The following GRHL2 variants were observed in gnomAD, a reference collection of about 807,000 sequenced individuals.
GRHL2 encodes grainyhead like transcription factor 2.
GRHL2 carries 21 observed loss-of-function variants against 83.8 expected under a neutral mutation model. The ratio of observed to expected loss-of-function variants is 0.25; its 90% CI spans 0.18 to 0.36. GRHL2 has a LOEUF of 0.36. GRHL2 is among the 10% of genes least tolerant of loss of function. The pLI is 1.00. For missense variants in GRHL2, 623 were observed against 781.8 expected, an observed-to-expected ratio of 0.80 and a Z score of 2.42; for synonymous variants, 280 against 278.9, an observed-to-expected ratio of 1.00 and a Z score of -0.04.
intron 1 of GRHL2, among the ~76,000 whole-genome samples, chr8:101,502,791 C>T (rs1287621125): frequency 6.6e-6 from 1 of 151,296 alleles, no homozygotes; most frequent in Non-Finnish European, 1.5e-5. Flanking sequence ...CTTCCTTTTC[C>T]TCATCCTCTT....
chr8:101,559,824 C>T (rs1054895460), intron 4 of GRHL2, among the ~76,000 whole-genome samples: 18 of 152,152 alleles, frequency 1.2e-4, no homozygotes, highest in African/African-American at 4.3e-4. Context: ...TTCCTTGAAG[C>T]TCTTTGCATT....
At chr8:101,564,631 C>T (rs561317946) in intron 4 of GRHL2, among the ~76,000 whole-genome samples, 1 of 151,588 alleles carries the variant, frequency 6.6e-6, no homozygotes, top group Non-Finnish European at 1.5e-5. Flanking sequence ...CATAGTGAGA[C>T]CCTGTCTCTA....
intron 1 of GRHL2, among the ~76,000 whole-genome samples, chr8:101,493,659 C>G (rs938602036): frequency 6.6e-6 from 1 of 152,100 alleles, no homozygotes; most frequent in African/African-American, 2.4e-5. Flanking sequence ...GCCGCCACCT[C>G]GGACGCGGCA....
chr8:101,496,511 T>C (rs1411148011), intron 1 of GRHL2, among the ~76,000 whole-genome samples: 1 of 152,166 alleles, frequency 6.6e-6, no homozygotes, highest in Non-Finnish European at 1.5e-5. Context: ...ATACTTGGCA[T>C]TGAGATTCAC....
At chr8:101,656,809 A>G (rs1055091791) in intron 14 of GRHL2, among the ~76,000 whole-genome samples, 4 of 152,054 alleles carry the variant, frequency 2.6e-5, no homozygotes, top group Admixed American at 6.5e-5. Context: ...ATAAATTAAT[A>G]TATACTGGGT....
chr8:101,562,491 T>G (rs1355448286), intron 4 of GRHL2: 7 of 306,518 alleles, frequency 2.3e-5, no homozygotes, highest in Admixed American at 1.5e-4. Flanking sequence ...ATATGCATAT[T>G]GAACCCGTGT....
At chr8:101,625,398 AT>A (rs1282198768) in intron 9 of GRHL2, among the ~76,000 whole-genome samples, 2 of 152,118 alleles carry the variant, frequency 1.3e-5, no homozygotes, top group Non-Finnish European at 2.9e-5. Context: ...AGGATGTTAT[AT>A]TGTTGTTCAC....
chr8:101,594,764 C>G (rs1458751708), intron 7 of GRHL2, among the ~76,000 whole-genome samples: 2 of 152,168 alleles, frequency 1.3e-5, no homozygotes, highest in Non-Finnish European at 2.9e-5. Context: ...AAGGATCCAT[C>G]CATTCATTCA....
intron 1 of GRHL2, among the ~76,000 whole-genome samples, chr8:101,510,665 AAAGATAAAC>A (rs1186096354): frequency 6.6e-6 from 1 of 152,234 alleles, no homozygotes. Flanking sequence ...TAGTGAGAAA[AAAGATAAAC>A]TTCCCTTTTA....
intron 14 of GRHL2, among the ~76,000 whole-genome samples, chr8:101,662,187 A>T (rs541165935): frequency 6.6e-6 from 1 of 152,284 alleles, no homozygotes; most frequent in East Asian, 1.9e-4. Flanking sequence ...GATGCCTCCA[A>T]CAGAAGTTCT....
chr8:101,619,748 A>G, intron 9 of GRHL2, 51 bp downstream of exon 9: 1 of 1,365,736 alleles, frequency 7.3e-7, no homozygotes, highest in Non-Finnish European at 1.0e-6. Context: ...ATTAGATATT[A>G]CTTTTAATGG....
At chr8:101,674,347 A>T (rs1259780207), downstream of GRHL2, among the ~76,000 whole-genome samples, 3 of 152,106 alleles carry the variant, frequency 2.0e-5, no homozygotes, top group African/African-American at 4.8e-5. Flanking sequence ...AAGAATCAAA[A>T]AGATGTAATA....
chr8:101,550,842 A>C (rs1303644306), intron 2 of GRHL2, among the ~76,000 whole-genome samples: 3 of 152,226 alleles, frequency 2.0e-5, no homozygotes, highest in Non-Finnish European at 4.4e-5. Flanking sequence ...AACTCATATA[A>C]GTGGAATCAT....
At chr8:101,662,135 C>T (rs929994003) in intron 14 of GRHL2, among the ~76,000 whole-genome samples, 9 of 152,204 alleles carry the variant, frequency 5.9e-5, no homozygotes, top group African/African-American at 2.2e-4. Flanking sequence ...CTCCACAAGT[C>T]TTCTGTTTTT....
chr8:101,500,034 C>G (rs1586394497), intron 1 of GRHL2, among the ~76,000 whole-genome samples: 1 of 152,054 alleles, frequency 6.6e-6, no homozygotes, highest in African/African-American at 2.4e-5. Flanking sequence ...CAAGATCGCA[C>G]CACTGCACTC....
rs1206254313 is a variant in GRHL2 at position 101,669,573 on chromosome 8, C to A, written c.*2870C>A. On this transcript the variant is annotated 3_prime_UTR_variant, in exon 16 of 16. Coordinates refer to ENST00000646743, the MANE Select transcript of GRHL2 (RefSeq NM_024915.4). ...CAAGCAAGGGAGATTGATATATGTA[C>A]AATTTGCTCTCATGTTTTAAAAAAA... The A allele has an allele frequency of 6.7e-6, 1 of 148,662 alleles. No individual in the cohort carries two copies. The highest frequency in any genetic ancestry group is 6.8e-5 in the Admixed American group (1 of 14,660). The allele number at this position is 148,662 out of a possible 1,614,324, so 9.2% of individuals were successfully genotyped here.
At chr8:101,623,632 G>T (rs931841215) in intron 9 of GRHL2, among the ~76,000 whole-genome samples, 7 of 152,030 alleles carry the variant, frequency 4.6e-5, no homozygotes, top group African/African-American at 1.7e-4. Flanking sequence ...ACAGTACACA[G>T]TAGGACAGTT....
chr8:101,671,032 AG>A (rs762335188), downstream of GRHL2, among the ~76,000 whole-genome samples: 3 of 152,274 alleles, frequency 2.0e-5, no homozygotes, highest in East Asian at 5.8e-4. Context: ...AAAGGCACCA[AG>A]GGGGGTGGAG....
chr8:101,570,277 A>G, intron 4 of GRHL2, 62 bp from the exon 5 acceptor site: 1 of 1,186,628 alleles, frequency 8.4e-7, no homozygotes, highest in Admixed American at 1.7e-5. Context: ...TACATTTATT[A>G]TTATCATTTT....
Sources: gnomAD v4.1 joint callset for allele counts (sites outside exome capture counted in the v4.1 genomes callset) on GRCh38, gnomAD v4.1.1 for gene constraint, MANE v1.5 for transcripts, NCBI Gene and HGNC (gene_info 2026-07-23, HGNC 2026-07-21) for gene names.